The following PRKG1 variants were observed in gnomAD, a reference collection of about 807,000 sequenced individuals.
The protein encoded by PRKG1 is cGMP-dependent protein kinase 1.
Under a neutral mutation model 88.1 loss-of-function variants are expected in PRKG1, and 35 were observed. The observed-to-expected ratio is 0.40, with a 90% confidence interval of 0.30 to 0.53. The LOEUF is 0.53. Among genes scored for constraint, PRKG1 ranks in the 20% least tolerant of loss-of-function variants. The pLI, the probability that PRKG1 is intolerant of heterozygous loss-of-function variation, is 0.59. For missense variants in PRKG1, 540 were observed against 839.8 expected, an observed-to-expected ratio of 0.64 and a Z score of 4.41; for synonymous variants, 303 against 292.5, an observed-to-expected ratio of 1.04 and a Z score of -0.37.
intron 2 of PRKG1, among the ~76,000 whole-genome samples, chr10:51,370,133 G>T (rs1250615252): frequency 6.6e-6 from 1 of 152,090 alleles, no homozygotes; most frequent in East Asian, 1.9e-4. Context: ...GAGTCACTGG[G>T]TGACTGCTAT....
At chr10:51,483,284 G>A (rs1840426640) in intron 3 of PRKG1, among the ~76,000 whole-genome samples, 1 of 152,120 alleles carries the variant, frequency 6.6e-6, no homozygotes, top group South Asian at 2.1e-4. Context: ...GCCTCCCAAA[G>A]TGCTGGGATT....
chr10:52,185,880 A>G (rs896562454), intron 9 of PRKG1, among the ~76,000 whole-genome samples: 1 of 152,204 alleles, frequency 6.6e-6, no homozygotes, highest in African/African-American at 2.4e-5. Flanking sequence ...GCCAGGATGC[A>G]AAGAGCAGTG....
At chr10:51,734,233 A>C (rs920677164) in intron 3 of PRKG1, among the ~76,000 whole-genome samples, 2 of 152,152 alleles carry the variant, frequency 1.3e-5, no homozygotes, top group Admixed American at 1.3e-4. Flanking sequence ...CAAGGTATGC[A>C]TTTTAAAAAT....
intron 3 of PRKG1, among the ~76,000 whole-genome samples, chr10:51,764,165 A>T (rs1026845200): frequency 1.3e-5 from 2 of 152,204 alleles, no homozygotes; most frequent in African/African-American, 4.8e-5. Context: ...CTCAGAACAC[A>T]AACAGGAAAA....
intron 2 of PRKG1, among the ~76,000 whole-genome samples, chr10:51,194,607 A>G (rs1277166907): frequency 6.6e-6 from 1 of 152,122 alleles, no homozygotes; most frequent in Non-Finnish European, 1.5e-5. Flanking sequence ...GTTACATTGA[A>G]TGAAAAAATT....
chr10:52,179,576 G>A (rs1838959524), intron 9 of PRKG1, among the ~76,000 whole-genome samples: 1 of 152,098 alleles, frequency 6.6e-6, no homozygotes, highest in Admixed American at 6.6e-5. Flanking sequence ...GAGAGGATGT[G>A]TTTTGGTTGA....
intron 2 of PRKG1, among the ~76,000 whole-genome samples, chr10:51,281,990 C>T (rs1840312065): frequency 6.6e-6 from 1 of 152,082 alleles, no homozygotes; most frequent in African/African-American, 2.4e-5. Context: ...AACAATCTCC[C>T]CAGATAATTT....
At chr10:52,191,039 T>G (rs921202872) in intron 9 of PRKG1, among the ~76,000 whole-genome samples, 1 of 152,188 alleles carries the variant, frequency 6.6e-6, no homozygotes, top group African/African-American at 2.4e-5. Context: ...ACACCTCGCT[T>G]TTAAAGTTGA....
chr10:51,848,049 G>A (rs1378630895), intron 4 of PRKG1, among the ~76,000 whole-genome samples: 1 of 21,512 alleles, frequency 4.6e-5, no homozygotes, highest in African/African-American at 1.9e-4. Context: ...TGTTGCTTTG[G>A]CAAGTGATAA....
chr10:51,318,858 A>T (rs1841385779), intron 2 of PRKG1, among the ~76,000 whole-genome samples: 1 of 152,152 alleles, frequency 6.6e-6, no homozygotes, highest in African/African-American at 2.4e-5. Flanking sequence ...CTGAGCTTAA[A>T]TTTCTTCCCT....
chr10:52,086,214 C>T (rs1419128626), intron 7 of PRKG1, among the ~76,000 whole-genome samples: 1 of 152,068 alleles, frequency 6.6e-6, no homozygotes, highest in East Asian at 1.9e-4. Flanking sequence ...TGTTCTCCTT[C>T]CACCTCTTAT....
chr10:51,135,230 A>G (rs888395816), intron 1 of PRKG1, among the ~76,000 whole-genome samples: 1 of 152,222 alleles, frequency 6.6e-6, no homozygotes, highest in Non-Finnish European at 1.5e-5. Flanking sequence ...CAGAGATCTG[A>G]AAAAATAAGC....
intron 4 of PRKG1, among the ~76,000 whole-genome samples, chr10:51,817,387 C>A (rs1458856974): frequency 7.0e-6 from 1 of 141,986 alleles, no homozygotes; most frequent in Admixed American, 7.5e-5. Context: ...TGTGAAGTTC[C>A]CCTCCCTGTG....
chr10:51,511,258 C>T (rs545312794), intron 3 of PRKG1, among the ~76,000 whole-genome samples: 109 of 152,166 alleles, frequency 7.2e-4, no homozygotes, highest in African/African-American at 2.5e-3. Context: ...CAAATATACA[C>T]CAAGATTCAG....
intron 5 of PRKG1, among the ~76,000 whole-genome samples, chr10:52,052,168 A>G (rs1006252563): frequency 6.6e-6 from 1 of 152,152 alleles, no homozygotes; most frequent in African/African-American, 2.4e-5. Context: ...TGGCTACCAT[A>G]TTAGACAATA....
intron 2 of PRKG1, among the ~76,000 whole-genome samples, chr10:51,186,716 A>G (rs1270128938): frequency 6.6e-6 from 1 of 151,504 alleles, no homozygotes; most frequent in Non-Finnish European, 1.5e-5. Context: ...ACGGTCAATT[A>G]TATTATTTTC....
intron 5 of PRKG1, among the ~76,000 whole-genome samples, chr10:51,970,377 A>T (rs181212794): frequency 1.3e-5 from 2 of 151,756 alleles, no homozygotes; most frequent in East Asian, 3.9e-4. Flanking sequence ...TTTAATCTAG[A>T]ACATTTCTAC....
intron 7 of PRKG1, among the ~76,000 whole-genome samples, chr10:52,107,556 G>A (rs1364582911): frequency 2.0e-5 from 3 of 152,042 alleles, no homozygotes; most frequent in Admixed American, 6.6e-5. Flanking sequence ...ATTATTACAC[G>A]TTTCTTCTGC....
intron 5 of PRKG1, among the ~76,000 whole-genome samples, chr10:52,044,315 G>T (rs1419037907): frequency 1.3e-5 from 2 of 152,090 alleles, no homozygotes; most frequent in Non-Finnish European, 2.9e-5. Context: ...GAAGATCAGA[G>T]AGCTCAATGA....
Sources: allele counts gnomAD v4.1 joint callset (sites outside exome capture counted in the v4.1 genomes callset), GRCh38; gene constraint gnomAD v4.1.1; transcripts MANE v1.5; gene names NCBI Gene and HGNC (gene_info 2026-07-23, HGNC 2026-07-21).